SLC24A3: variants seen among roughly 807,000 people sequenced by gnomAD.
SLC24A3 encodes solute carrier family 24 member 3, also known as sodium/potassium/calcium exchanger 3.
In SLC24A3, 28 loss-of-function variants were observed where a neutral mutation model predicts 75.8. That is an observed-to-expected ratio of 0.37 (90% CI 0.27 to 0.51). The LOEUF (loss-of-function observed/expected upper bound fraction) is 0.51. Ranked by LOEUF, SLC24A3 falls within the 20% of genes least tolerant of loss-of-function variation. SLC24A3 has a pLI of 0.94. For missense variants in SLC24A3, 663 were observed against 847.8 expected, an observed-to-expected ratio of 0.78 and a Z score of 2.71; for synonymous variants, 372 against 334.1, an observed-to-expected ratio of 1.11 and a Z score of -1.24.
intron 6 of SLC24A3, among the ~76,000 whole-genome samples, chr20:19,600,964 G>A (rs567510038): frequency 3.3e-5 from 5 of 152,094 alleles, no homozygotes; most frequent in Non-Finnish European, 5.9e-5. Flanking sequence ...CCTGGCCAAC[G>A]CTAAGTTTTT....
At chr20:19,286,393 G>A (rs1195492435) in intron 2 of SLC24A3, among the ~76,000 whole-genome samples, 6 of 152,092 alleles carry the variant, frequency 3.9e-5, no homozygotes, top group South Asian at 2.1e-4. Context: ...GAAAACATGC[G>A]TTCAGGGTAC....
At chr20:19,502,753 G>A (rs763830908) in intron 2 of SLC24A3, among the ~76,000 whole-genome samples, 87 of 151,572 alleles carry the variant, frequency 5.7e-4, no homozygotes, top group African/African-American at 1.7e-3. Context: ...ATAGAAGACC[G>A]GGTGCAGTGG....
At chr20:19,659,631 G>A (rs146517708) in intron 7 of SLC24A3, among the ~76,000 whole-genome samples, 14 of 152,310 alleles carry the variant, frequency 9.2e-5, no homozygotes, top group African/African-American at 2.2e-4. Flanking sequence ...TGAGTCCCAC[G>A]TTAGAGATGG....
rs572236251 is a variant in SLC24A3 at position 19,637,583 on chromosome 20, G to A, written c.613-16479G>A. On this transcript the variant is annotated intron_variant, in intron 6 of 16. Transcript: ENST00000328041. ...TGGCTCCACAGTGAGCAATATTCGCGTACTGGTAGTAATAATATAACTGCT... is the reference window on the plus strand; with the variant it reads ...TGGCTCCACAGTGAGCAATATTCGCATACTGGTAGTAATAATATAACTGCT... 6.0e-4 allele frequency among the ~76,000 whole-genome samples: 91 copies of A among 152,284 alleles called. 1 individual carries two copies. The highest frequency in any genetic ancestry group is 6.8e-3 in the Middle Eastern group (2 of 294).
intron 15 of SLC24A3, among the ~76,000 whole-genome samples, chr20:19,717,084 A>G (rs1428930951): frequency 6.6e-6 from 1 of 152,226 alleles, no homozygotes; most frequent in East Asian, 1.9e-4. Context: ...TTGGTGCAAA[A>G]GAGATGAAAA....
At chr20:19,674,852 T>A (rs1393891533) in intron 9 of SLC24A3, among the ~76,000 whole-genome samples, 4 of 152,028 alleles carry the variant, frequency 2.6e-5, no homozygotes, top group African/African-American at 9.7e-5. Context: ...CAGGAGTTCG[T>A]GACCAGCCTG....
At chr20:19,241,155 T>C (rs1982315029) in intron 1 of SLC24A3, among the ~76,000 whole-genome samples, 1 of 152,226 alleles carries the variant, frequency 6.6e-6, no homozygotes, top group Non-Finnish European at 1.5e-5. Context: ...AAAAAGACCA[T>C]GCCAGTGGGC....
intron 9 of SLC24A3, among the ~76,000 whole-genome samples, chr20:19,677,686 C>CTTTTTTTTTTTTTTTTTTTTTATTTT (rs796484728): frequency 6.1e-5 from 7 of 113,932 alleles, no homozygotes; most frequent in Admixed American, 9.2e-5. Flanking sequence ...TTTTTTTTTT[C>CTTTTTTTTTTTTTTTTTTTTTATTTT]TTTTTTTTTT....
chr20:19,275,623 A>C (rs1255527665), intron 1 of SLC24A3, among the ~76,000 whole-genome samples: 1 of 152,108 alleles, frequency 6.6e-6, no homozygotes, highest in Non-Finnish European at 1.5e-5. Context: ...TGGGCTCTCT[A>C]AGCCCCAGTT....
At chr20:19,509,824 T>G (rs1048096150) in intron 2 of SLC24A3, among the ~76,000 whole-genome samples, 4 of 152,198 alleles carry the variant, frequency 2.6e-5, no homozygotes, top group Middle Eastern at 3.2e-3. Context: ...ACTTTTCAAA[T>G]GGCCAAAAGG....
intron 6 of SLC24A3, among the ~76,000 whole-genome samples, chr20:19,623,940 G>C (rs953029134): frequency 3.9e-5 from 6 of 152,246 alleles, no homozygotes; most frequent in Admixed American, 3.9e-4. Context: ...AGAAGAGGGG[G>C]AATTGAAGAG....
intron 1 of SLC24A3, among the ~76,000 whole-genome samples, chr20:19,250,471 C>T (rs74839688): frequency 6.6e-6 from 1 of 152,154 alleles, no homozygotes; most frequent in East Asian, 1.9e-4. Flanking sequence ...TAAAGCCAGT[C>T]CCATTTCTCA....
At chr20:19,521,148 C>A (rs1326981616) in intron 3 of SLC24A3, among the ~76,000 whole-genome samples, 1 of 152,132 alleles carries the variant, frequency 6.6e-6, no homozygotes, top group East Asian at 1.9e-4. Context: ...GCCTCCCTCC[C>A]TCCCCACACA....
At chr20:19,265,514 G>A (rs1983140425) in intron 1 of SLC24A3, among the ~76,000 whole-genome samples, 1 of 152,210 alleles carries the variant, frequency 6.6e-6, no homozygotes, top group African/African-American at 2.4e-5. Context: ...GACTTTACAT[G>A]GGATGGGATT....
intron 2 of SLC24A3, among the ~76,000 whole-genome samples, chr20:19,486,455 A>C (rs1257124579): frequency 6.6e-6 from 1 of 152,218 alleles, no homozygotes; most frequent in Non-Finnish European, 1.5e-5. Context: ...TAAAAAAGTA[A>C]ATGAAAATTT....
chr20:19,231,156 T>C (rs73124818), intron 1 of SLC24A3, among the ~76,000 whole-genome samples: 20,549 of 152,194 alleles, frequency 0.14, 1,400 homozygotes, highest in African/African-American at 0.16. Context: ...ACTTATACTT[T>C]CTGTGAAAAC....
intron 2 of SLC24A3, among the ~76,000 whole-genome samples, chr20:19,406,225 T>TGAGAGAGAGA (rs11087283): frequency 7.2e-5 from 11 of 151,782 alleles, no homozygotes; most frequent in African/African-American, 2.7e-4. Context: ...TGTGTGTGTG[T>TGAGAGAGAGA]GTGAGAGAGA....
chr20:19,671,336 T>G (rs148100075), intron 8 of SLC24A3, among the ~76,000 whole-genome samples: 20 of 152,294 alleles, frequency 1.3e-4, no homozygotes, highest in Admixed American at 1.3e-3. Context: ...GGCCAGGATT[T>G]GCAAGGAAAA....
At chr20:19,506,890 G>T (rs1469399988) in intron 2 of SLC24A3, among the ~76,000 whole-genome samples, 1 of 152,126 alleles carries the variant, frequency 6.6e-6, no homozygotes, top group African/African-American at 2.4e-5. Context: ...ATTAAGATAT[G>T]ATCTTTAGAA....
Sources: allele counts gnomAD v4.1 joint callset (sites outside exome capture counted in the v4.1 genomes callset), GRCh38; gene constraint gnomAD v4.1.1; transcripts MANE v1.5; gene names NCBI Gene and HGNC (gene_info 2026-07-23, HGNC 2026-07-21).